The following GPC5 variants were observed in gnomAD, a reference collection of about 807,000 sequenced individuals.
The protein encoded by GPC5 is glypican 5, also known as glypican-5.
In GPC5, 47 loss-of-function variants were observed where a neutral mutation model predicts 53.9. That is an observed-to-expected ratio of 0.87 (90% CI 0.69 to 1.11). The LOEUF (loss-of-function observed/expected upper bound fraction) is 1.11, where lower values mean the gene tolerates loss of function less well. Among genes scored for constraint, GPC5 ranks in the 50% most tolerant of loss-of-function variants. The probability of loss-of-function intolerance (pLI) is 0.00; values close to 1 mark genes in which losing one functional copy is unlikely to be tolerated. For synonymous variants in GPC5, 286 were observed against 263.3 expected (o/e 1.09, Z -0.84); for missense variants, 748 against 713.1 (o/e 1.05, Z -0.56).
chr13:92,240,241 T>G (rs952588905), intron 7 of GPC5: 3 of 152,006 alleles, frequency 2.0e-5, no homozygotes, highest in African/African-American at 7.2e-5. Flanking sequence ...TATGAACCGT[T>G]TTTTCTCTGT....
chr13:91,999,507 G>C (rs1445734255), intron 6 of GPC5, among the ~76,000 whole-genome samples: 1 of 151,754 alleles, frequency 6.6e-6, no homozygotes, highest in African/African-American at 2.4e-5. Flanking sequence ...TTTCCCTTTG[G>C]GCTCAAAGAT....
chr13:92,538,891 CAT>C (rs377054465), intron 7 of GPC5, among the ~76,000 whole-genome samples: 1 of 5,200 alleles, frequency 1.9e-4, no homozygotes, highest in Non-Finnish European at 4.1e-4. Context: ...ATATATACAC[CAT>C]ATATATATAC....
At chr13:91,572,150 C>CAT (rs773219518) in intron 2 of GPC5, among the ~76,000 whole-genome samples, 2 of 128,324 alleles carry the variant, frequency 1.6e-5, no homozygotes, top group African/African-American at 6.5e-5. Context: ...TGTATATATA[C>CAT]GTGTGTATAC....
At chr13:92,235,370 G>A (rs147809495) in intron 7 of GPC5, among the ~76,000 whole-genome samples, 55 of 152,026 alleles carry the variant, frequency 3.6e-4, no homozygotes, top group South Asian at 2.5e-3. Flanking sequence ...TTTGTCACCC[G>A]TAATTTTCAA....
chr13:92,825,305 G>A (rs2138814495), intron 7 of GPC5, among the ~76,000 whole-genome samples: 1 of 152,048 alleles, frequency 6.6e-6, no homozygotes, highest in East Asian at 1.9e-4. Flanking sequence ...AATTTTTAAG[G>A]ACACCAAAGG....
At chr13:91,847,219 C>CAAAAAA (rs58401616) in intron 5 of GPC5, among the ~76,000 whole-genome samples, 8 of 85,976 alleles carry the variant, frequency 9.3e-5, no homozygotes, top group African/African-American at 1.4e-4. Flanking sequence ...GACTCCATCT[C>CAAAAAA]AAAAAAAAAA....
rs1555340542 is a variant in GPC5, at chr13:91,715,800, C to CTG, written c.1021-12722_1021-12721dup. 2.8e-3 allele frequency among the ~76,000 whole-genome samples: 408 copies of CTG among 145,850 alleles called. 1 individual carries two copies. The highest frequency in any genetic ancestry group is 0.01 in the East Asian group (51 of 4,872). On this transcript the variant is annotated intron_variant, in intron 3 of 7. Transcript: ENST00000377067. ...TCTCTCTCTCTCTCTCTCTCTCTCTCTGTGTGTGTGTCACCCAGGCTAGAG... is the reference window on the plus strand; with the variant it reads ...TCTCTCTCTCTCTCTCTCTCTCTCTCTGTGTGTGTGTGTCACCCAGGCTAGAG...
intron 7 of GPC5, among the ~76,000 whole-genome samples, chr13:92,739,807 T>C (rs1341729697): frequency 6.6e-6 from 1 of 151,982 alleles, no homozygotes; most frequent in African/African-American, 2.4e-5. Context: ...CATTCCTCTT[T>C]AGTTTCTGGT....
chr13:92,695,186 A>G (rs1690888809), intron 7 of GPC5, among the ~76,000 whole-genome samples: 1 of 152,192 alleles, frequency 6.6e-6, no homozygotes, highest in African/African-American at 2.4e-5. Context: ...GACGACTACA[A>G]GCAGTTTTTC....
chr13:92,710,782 G>C (rs1888108337), intron 7 of GPC5, among the ~76,000 whole-genome samples: 1 of 152,154 alleles, frequency 6.6e-6, no homozygotes, highest in Non-Finnish European at 1.5e-5. Context: ...ATCAAGCTTT[G>C]TGAAACAATG....
chr13:91,831,481 C>A (rs371422849), intron 5 of GPC5, among the ~76,000 whole-genome samples: 6 of 151,984 alleles, frequency 3.9e-5, no homozygotes, highest in African/African-American at 1.4e-4. Flanking sequence ...AAAGTTGACA[C>A]TCAGTATTAA....
intron 6 of GPC5, among the ~76,000 whole-genome samples, chr13:91,985,404 C>T (rs1594706579): frequency 6.9e-6 from 1 of 145,566 alleles, no homozygotes; most frequent in South Asian, 2.2e-4. Flanking sequence ...ACAATCTTTG[C>T]CTTTTAATTA....
chr13:92,081,531 G>T (rs766530898), intron 6 of GPC5, among the ~76,000 whole-genome samples: 1 of 152,080 alleles, frequency 6.6e-6, no homozygotes, highest in South Asian at 2.1e-4. Flanking sequence ...ACAAAAATAC[G>T]TGAATTTGAT....
intron 7 of GPC5, among the ~76,000 whole-genome samples, chr13:92,534,027 C>T (rs1215839440): frequency 6.6e-6 from 1 of 152,108 alleles, no homozygotes; most frequent in Non-Finnish European, 1.5e-5. Flanking sequence ...TGGCTCATGC[C>T]TATCATCCCA....
chr13:92,559,421 C>T (rs1264940867), intron 7 of GPC5, among the ~76,000 whole-genome samples: 5 of 150,542 alleles, frequency 3.3e-5, no homozygotes, highest in Admixed American at 2.0e-4. Flanking sequence ...GATGTTTTCA[C>T]GTCTTAAAAA....
intron 7 of GPC5, among the ~76,000 whole-genome samples, chr13:92,743,765 T>C (rs1413297862): frequency 1.3e-5 from 2 of 152,214 alleles, no homozygotes; most frequent in African/African-American, 4.8e-5. Flanking sequence ...GTCCCATCAA[T>C]ACCTAATTTA....
At chr13:91,419,723 C>T (rs766552427) in intron 1 of GPC5, among the ~76,000 whole-genome samples, 20 of 151,970 alleles carry the variant, frequency 1.3e-4, no homozygotes, top group East Asian at 1.9e-4. Flanking sequence ...GGTAACAAGA[C>T]GTATTAGATT....
chr13:91,894,856 G>C (rs981070072), intron 5 of GPC5, among the ~76,000 whole-genome samples: 1 of 152,044 alleles, frequency 6.6e-6, no homozygotes, highest in African/African-American at 2.4e-5. Flanking sequence ...AAAATAACAA[G>C]GGTAAATTCA....
intron 7 of GPC5, among the ~76,000 whole-genome samples, chr13:92,861,022 A>G (rs1379523421): frequency 6.6e-6 from 1 of 152,088 alleles, no homozygotes; most frequent in East Asian, 1.9e-4. Flanking sequence ...ATAGACTATT[A>G]GAATTAAAAG....
Sources: allele counts gnomAD v4.1 joint callset (sites outside exome capture counted in the v4.1 genomes callset), GRCh38; gene constraint gnomAD v4.1.1; transcripts MANE v1.5; gene names NCBI Gene and HGNC (gene_info 2026-07-23, HGNC 2026-07-21).